RSPO3: variants seen among roughly 807,000 people sequenced by gnomAD.
The protein encoded by RSPO3 is R-spondin-3.
A neutral mutation model predicts 36.5 loss-of-function variants in RSPO3; 17 were observed. The ratio of observed to expected loss-of-function variants is 0.47; its 90% CI spans 0.32 to 0.70. The LOEUF is 0.70. RSPO3 is among the 30% of genes least tolerant of loss of function. RSPO3 has a pLI of 0.04. For missense variants in RSPO3, 294 were observed against 322.5 expected, an observed-to-expected ratio of 0.91 and a Z score of 0.68; for synonymous variants, 108 against 107.0, an observed-to-expected ratio of 1.01 and a Z score of -0.06.
intron 1 of RSPO3, among the ~76,000 whole-genome samples, chr6:127,144,999 G>A (rs925608618): frequency 1.3e-5 from 2 of 152,030 alleles, no homozygotes; most frequent in African/African-American, 4.8e-5. Context: ...CCACTCCAAA[G>A]TAAGCTCCAT....
chr6:127,128,767 T>C (rs1052053196), intron 1 of RSPO3, among the ~76,000 whole-genome samples: 8 of 152,102 alleles, frequency 5.3e-5, no homozygotes, highest in African/African-American at 1.9e-4. Flanking sequence ...TAGAGAATTA[T>C]CTCAGTCAAA....
At chr6:127,193,339 AT>A (rs1176427466) in intron 4 of RSPO3, among the ~76,000 whole-genome samples, 1 of 152,226 alleles carries the variant, frequency 6.6e-6, no homozygotes, top group Non-Finnish European at 1.5e-5. Context: ...AAACATATAA[AT>A]CAATCTGTGA....
intron 4 of RSPO3, among the ~76,000 whole-genome samples, chr6:127,179,517 G>A (rs1388067429): frequency 6.6e-6 from 1 of 151,840 alleles, no homozygotes; most frequent in Non-Finnish European, 1.5e-5. Context: ...TTTGAATAGT[G>A]GGATGAGGGT....
At chr6:127,147,787 C>T (rs1246245321) in intron 1 of RSPO3, among the ~76,000 whole-genome samples, 1 of 152,130 alleles carries the variant, frequency 6.6e-6, no homozygotes, top group Non-Finnish European at 1.5e-5. Flanking sequence ...TTAAGGTAGA[C>T]TGGTCCATTC....
At chr6:127,160,691 G>T (rs1774692926) in intron 4 of RSPO3, among the ~76,000 whole-genome samples, 1 of 152,192 alleles carries the variant, frequency 6.6e-6, no homozygotes, top group South Asian at 2.1e-4. Context: ...ACTTCTGGGT[G>T]TTGCCATGGC....
intron 4 of RSPO3, among the ~76,000 whole-genome samples, chr6:127,160,970 T>A (rs1029197528): frequency 6.6e-6 from 1 of 152,160 alleles, no homozygotes; most frequent in Non-Finnish European, 1.5e-5. Context: ...TCTCCTTAGC[T>A]ATATTACTCA....
chr6:127,135,614 C>A (rs753799672), intron 1 of RSPO3, among the ~76,000 whole-genome samples: 7 of 151,536 alleles, frequency 4.6e-5, no homozygotes, highest in Non-Finnish European at 1.0e-4. Context: ...ATCTTCATGG[C>A]GCCATTTGCT....
At chr6:127,139,779 C>G (rs1052388256) in intron 1 of RSPO3, among the ~76,000 whole-genome samples, 3 of 152,166 alleles carry the variant, frequency 2.0e-5, no homozygotes, top group Middle Eastern at 3.4e-3. Context: ...CATCCACCCC[C>G]TCTTGTCCTC....
intron 4 of RSPO3, among the ~76,000 whole-genome samples, chr6:127,187,391 T>C (rs1020603698): frequency 1.3e-5 from 2 of 152,132 alleles, no homozygotes; most frequent in African/African-American, 4.8e-5. Context: ...TTCAGGGTCA[T>C]TTTTTTAAGG....
chr6:127,155,703 T>C (rs1305396082), intron 4 of RSPO3, among the ~76,000 whole-genome samples: 1 of 152,126 alleles, frequency 6.6e-6, no homozygotes, highest in Admixed American at 6.6e-5. Flanking sequence ...GGGCATTATC[T>C]GTACTATAAT....
At chr6:127,183,244 T>C (rs562030388) in intron 4 of RSPO3, among the ~76,000 whole-genome samples, 1 of 152,162 alleles carries the variant, frequency 6.6e-6, no homozygotes, top group African/African-American at 2.4e-5. Flanking sequence ...TGTTCCAACC[T>C]GGACTTCCTA....
intron 3 of RSPO3, among the ~76,000 whole-genome samples, chr6:127,153,861 G>A (rs1175267175): frequency 6.6e-6 from 1 of 151,942 alleles, no homozygotes; most frequent in Admixed American, 6.6e-5. Flanking sequence ...ATATCAGAAT[G>A]GGATGCTGGA....
intron 4 of RSPO3, among the ~76,000 whole-genome samples, chr6:127,180,747 G>A (rs1775167909): frequency 6.6e-6 from 1 of 151,764 alleles, no homozygotes. Context: ...GATTCACTCA[G>A]CTGTTTTATA....
intron 1 of RSPO3, among the ~76,000 whole-genome samples, chr6:127,129,661 T>A (rs1425039063): frequency 6.6e-6 from 1 of 152,044 alleles, no homozygotes; most frequent in Non-Finnish European, 1.5e-5. Flanking sequence ...TTTTTCCCAA[T>A]AGGTTATTTA....
rs1775561493 is a variant in RSPO3, at chr6:127,198,646, T to G, written c.*2639T>G. ...CCTGCCCTGTTCTCCGAATTCAGCT[T>G]CATAATTAAGGGAAGGCCTGTTTTC... On this transcript the variant is annotated 3_prime_UTR_variant, in exon 5 of 5. Coordinates refer to ENST00000356698, the MANE Select transcript of RSPO3 (RefSeq NM_032784.5). Among the ~76,000 whole-genome samples, 1 of 152,200 alleles carries G rather than the reference T, an allele frequency of 6.6e-6. No individual in the cohort carries two copies. Among genetic ancestry groups the G allele is most frequent in the South Asian group, 2.1e-4 (1 of 4,824 alleles).
At chr6:127,137,229 A>G (rs966926457) in intron 1 of RSPO3, among the ~76,000 whole-genome samples, 4 of 152,080 alleles carry the variant, frequency 2.6e-5, no homozygotes, top group African/African-American at 9.7e-5. Context: ...CGTCTTTCCT[A>G]AAAATATAAA....
At chr6:127,159,354 G>C (rs1428613025) in intron 4 of RSPO3, among the ~76,000 whole-genome samples, 5 of 152,134 alleles carry the variant, frequency 3.3e-5, no homozygotes, top group African/African-American at 1.2e-4. Flanking sequence ...ATGATCTTGG[G>C]ATAGAAAGGA....
chr6:127,130,380 A>G (rs1415516848), intron 1 of RSPO3, among the ~76,000 whole-genome samples: 1 of 152,140 alleles, frequency 6.6e-6, no homozygotes, highest in Non-Finnish European at 1.5e-5. Flanking sequence ...TTTTGAGCTT[A>G]GACTACCAGT....
chr6:127,159,657 T>A (rs2114599481), intron 4 of RSPO3, among the ~76,000 whole-genome samples: 1 of 148,236 alleles, frequency 6.7e-6, no homozygotes, highest in East Asian at 2.0e-4. Flanking sequence ...TTTTTTTTTT[T>A]TTTTTTTTTG....
Sources: gnomAD v4.1 joint callset for allele counts (sites outside exome capture counted in the v4.1 genomes callset) on GRCh38, gnomAD v4.1.1 for gene constraint, MANE v1.5 for transcripts, NCBI Gene and HGNC (gene_info 2026-07-23, HGNC 2026-07-21) for gene names.